Variants in MYH8 observed in about 807,000 individuals in gnomAD.
The protein encoded by MYH8 is myosin heavy chain 8.
MYH8 carries 168 observed loss-of-function variants against 233.2 expected under a neutral mutation model. That is an observed-to-expected ratio of 0.72 (90% CI 0.64 to 0.82). The LOEUF is 0.82. Ranked by LOEUF, MYH8 falls within the 40% of genes least tolerant of loss-of-function variation. MYH8 has a pLI of 0.00. For missense variants in MYH8, 1,995 were observed against 2,327.8 expected, an observed-to-expected ratio of 0.86 and a Z score of 2.94; for synonymous variants, 785 against 850.6, an observed-to-expected ratio of 0.92 and a Z score of 1.34.
intron 39 of MYH8, 152 bp downstream of exon 39, chr17:10,391,730 T>A (rs920017762): frequency 1.0e-5 from 7 of 698,628 alleles, no homozygotes; most frequent in South Asian, 1.6e-5. Flanking sequence ...TAATTTGGAT[T>A]TGGCGGGACA....
At chr17:10,394,584 TA>T (rs2072063109) in intron 34 of MYH8, 132 bp from the exon 35 acceptor site, 5 of 1,132,292 alleles carry the variant, frequency 4.4e-6, no homozygotes, top group Non-Finnish European at 6.4e-6. Flanking sequence ...TGCATCTGAT[TA>T]TGGTTAGGTC....
chr17:10,419,895 G>T lies in MYH8; in HGVS notation c.210+123C>A. On this transcript the variant is annotated intron_variant, in intron 3 of 39. Coordinates refer to ENST00000403437, the MANE Select transcript of MYH8 (RefSeq NM_002472.3). The surrounding 1 kb of genome is among the most constrained non-coding windows in gnomAD (Gnocchi z 4.0). ...ATTTCTTTTGCCTTCCACATCTAATGTCTCAACACTGACTAGAAGGGTGTT... is the reference window on the plus strand; with the variant it reads ...ATTTCTTTTGCCTTCCACATCTAATTTCTCAACACTGACTAGAAGGGTGTT... 9.1e-7 allele frequency: 1 copy of T among 1,094,524 alleles called. No individual in the cohort carries two copies. Among genetic ancestry groups the T allele is most frequent in the Non-Finnish European group, 1.4e-6 (1 of 716,136 alleles). 67.8% of individuals were successfully genotyped at this position (1,094,524 alleles called of 1,614,324 possible).
chr17:10,400,728 C>T lies in MYH8; in HGVS notation c.3397G>A (p.Ala1133Thr), dbSNP rs936506457. ...EEIEAERASR[A>T]KAEKQRSDLS... ...TCAGAGCGCTGCTTCTCCGCTTTGG[C>T]TCGGGACGCCCTCTCTGCCTCGATT... The change falls in exon 27 of 40, where the codon GCC becomes ACC. Residue 1133 changes from alanine (A) to threonine (T), a missense_variant. Coordinates refer to ENST00000403437, the MANE Select transcript of MYH8 (RefSeq NM_002472.3). The surrounding 1 kb of genome is among the most constrained non-coding windows in gnomAD (Gnocchi z 4.0). 2.5e-6 allele frequency: 4 copies of T among 1,614,196 alleles called. No homozygotes were observed. Among genetic ancestry groups the T allele is most frequent in the Non-Finnish European group, 3.4e-6 (4 of 1,180,046 alleles).
chr17:10,417,702 G>T lies in MYH8; in HGVS notation c.511+943C>A, dbSNP rs963984269. 6.6e-6 allele frequency among the ~76,000 whole-genome samples: 1 copy of T among 152,188 alleles called. No individual in the cohort carries two copies. Among genetic ancestry groups the T allele is most frequent in the African/African-American group, 2.4e-5 (1 of 41,442 alleles). On this transcript the variant is annotated intron_variant, in intron 5 of 39. Coordinates refer to ENST00000403437, the MANE Select transcript of MYH8 (RefSeq NM_002472.3). This position sits in a 1 kb window ranked among gnomAD's most constrained non-coding sequence, Gnocchi z 4.1. ...ATTAAAACCTCTGAAATGAGCCAGC[G>T]TTTGGATAATTTCTGGGAGGTAGTT...
intron 15 of MYH8, 32 bp from the exon 16 acceptor site, chr17:10,409,620 C>T (rs1222739560): frequency 6.2e-7 from 1 of 1,612,616 alleles, no homozygotes; most frequent in Non-Finnish European, 8.5e-7. Context: ...TGGTGTCAAC[C>T]TAACTTCTCT....
chr17:10,407,510 T>C (rs536220273), intron 17 of MYH8, among the ~76,000 whole-genome samples: 1 of 152,250 alleles, frequency 6.6e-6, no homozygotes, highest in African/African-American at 2.4e-5. Context: ...TGGGACCTCT[T>C]ACCCTCTTGT....
intron 10 of MYH8, 26 bp downstream of exon 10, chr17:10,414,360 A>G (rs2142188205): frequency 1.9e-6 from 3 of 1,598,412 alleles, no homozygotes; most frequent in East Asian, 2.2e-5. Context: ...ATTAACTTCT[A>G]TCTATGACTT....
rs1156239645 is a variant in MYH8, at chr17:10,401,145, T to C, written c.3155A>G (p.Glu1052Gly). 6.2e-7 allele frequency: 1 copy of C among 1,614,036 alleles called. No individual in the cohort carries two copies. The highest frequency in any genetic ancestry group is 1.1e-5 in the South Asian group (1 of 90,968). The change falls in exon 25 of 40, where the codon GAA becomes GGA. Residue 1052 changes from glutamate to glycine, a missense_variant. Physicochemically the swap from Glu to Gly is moderately conservative, Grantham distance 98. This residue lies in a region of MYH8 where 1,498 missense variants were observed against 1,680.9 expected (regional missense o/e 0.89). Transcript: ENST00000403437. ...EQEKKLRMDL[E>G]RAKRKLEGDL... Reference sequence around the variant, plus strand: ...ACCCTCCAGTTTCCGCTTTGCTCTTTCTAGATCCATTCGAAGCTTCTTTTC... The same window carrying C: ...ACCCTCCAGTTTCCGCTTTGCTCTTCCTAGATCCATTCGAAGCTTCTTTTC...
At chr17:10,420,956 A>C (rs1187649211) in intron 2 of MYH8, among the ~76,000 whole-genome samples, 1 of 152,196 alleles carries the variant, frequency 6.6e-6, no homozygotes, top group East Asian at 1.9e-4. Context: ...TTCAGCACAA[A>C]GGCCCTTCTT....
Position 10,401,600 on chromosome 17 carries a change from A to G in MYH8, c.2874T>C (p.Asp958=), listed in dbSNP as rs140394375. The G allele has an allele frequency of 5.0e-5, 81 of 1,614,158 alleles. No homozygotes were observed. In the Middle Eastern group the frequency reaches 9.9e-4, roughly 20 times the overall value. Residue 958 remains aspartate (D), a synonymous_variant, in exon 23 of 40, where the codon GAT becomes GAC. Coordinates refer to ENST00000403437, the MANE Select transcript of MYH8 (RefSeq NM_002472.3). ...CCTTGGCCAGTGTCAGCTCAAGGTC[A>G]TCAATGTCTTTCTTGAGTTCTGAAC... ...DECSELKKDI[D]DLELTLAKVE...
intron 17 of MYH8, among the ~76,000 whole-genome samples, chr17:10,408,468 A>G (rs910908024): frequency 1.3e-5 from 2 of 152,206 alleles, no homozygotes; most frequent in Non-Finnish European, 2.9e-5. Context: ...ATAAGGAATG[A>G]GACTTAGCCA....
chr17:10,410,769 A>G lies in MYH8; in HGVS notation c.1587+8T>C, dbSNP rs755580948. 6.2e-7 allele frequency: 1 copy of G among 1,614,000 alleles called. No homozygotes were observed. On this transcript the variant is annotated splice_region_variant and intron_variant, in intron 15 of 39. Coordinates refer to ENST00000403437, the MANE Select transcript of MYH8 (RefSeq NM_002472.3). The stretch of plus-strand genomic sequence containing the variant: ...CACAGTCTGCCCTTCTTTGGAAACC[A>G]AACCGACCTTCTCAATGAGCTCAAT...
Position 10,415,360 on chromosome 17 carries a change from T to G in MYH8, c.673A>C (p.Ser225Arg), listed in dbSNP as rs781228319. 1 of 1,614,204 alleles carries G rather than the reference T, an allele frequency of 6.2e-7. No individual in the cohort carries two copies. Among genetic ancestry groups the G allele is most frequent in the Non-Finnish European group, 8.5e-7 (1 of 1,180,010 alleles). ...MQGTLEDQII[S>R]ANPLLEAFGN... The stretch of plus-strand genomic sequence containing the variant: ...AAGGCCTCCAGTAGGGGATTGGCGC[T>G]GATGATTTGATCTTCCAGAGTCCCC... Residue 225 changes from serine (S) to arginine (R), a missense_variant, in exon 8 of 40, where the codon AGC (serine) becomes CGC (arginine). Physicochemically the swap from Ser to Arg is moderately radical, Grantham distance 110. This residue lies in a region of MYH8 where 479 missense variants were observed against 600.9 expected (regional missense o/e 0.80). Coordinates refer to ENST00000403437, the MANE Select transcript of MYH8 (RefSeq NM_002472.3). The surrounding 1 kb of genome is among the most constrained non-coding windows in gnomAD (Gnocchi z 4.1).
Position 10,415,458 on chromosome 17 carries a change from G to T in MYH8, c.648+14C>A, listed in dbSNP as rs1310907049. 6.2e-7 allele frequency: 1 copy of T among 1,613,806 alleles called. No individual in the cohort carries two copies. The highest frequency in any genetic ancestry group is 8.5e-7 in the Non-Finnish European group (1 of 1,179,684). ...AGCCTTGACAGAGGTTTTGACTCTGGCTATCAGACCTACCTGCATTTTGCC... is the reference window on the plus strand; with the variant it reads ...AGCCTTGACAGAGGTTTTGACTCTGTCTATCAGACCTACCTGCATTTTGCC... On this transcript the variant is annotated intron_variant, in intron 7 of 39. Coordinates refer to ENST00000403437, the MANE Select transcript of MYH8 (RefSeq NM_002472.3). The surrounding 1 kb of genome is among the most constrained non-coding windows in gnomAD (Gnocchi z 4.1).
chr17:10,400,075 C>T lies in MYH8; in HGVS notation c.3735+315G>A, dbSNP rs943932333. ...AAAATTAGCTAGGCGTGCTGGCGGG[C>T]GCCTGTAGTCCCAGCTACTGGGGAG... On this transcript the variant is annotated intron_variant, in intron 27 of 39. Coordinates refer to ENST00000403437, the MANE Select transcript of MYH8 (RefSeq NM_002472.3). The surrounding 1 kb of genome is among the most constrained non-coding windows in gnomAD (Gnocchi z 4.0). Among the ~76,000 whole-genome samples the T allele has an allele frequency of 8.6e-5, 13 of 152,040 alleles. No homozygotes were observed. Among genetic ancestry groups the T allele is most frequent in the Admixed American group, 2.0e-4 (3 of 15,286 alleles).
intron 28 of MYH8, among the ~76,000 whole-genome samples, 154 bp downstream of exon 28, chr17:10,399,389 T>C (rs987878503): frequency 6.6e-6 from 1 of 152,226 alleles, no homozygotes; most frequent in Non-Finnish European, 1.5e-5. Context: ...TAAACTTGTC[T>C]GCTCAGTCTT....
chr17:10,416,657 G>C (rs2072292701), intron 5 of MYH8, among the ~76,000 whole-genome samples: 1 of 152,034 alleles, frequency 6.6e-6, no homozygotes, highest in South Asian at 2.1e-4. Context: ...ACGAGTGTAA[G>C]GTACATATTT....
intron 28 of MYH8, 22 bp from the exon 29 acceptor site, chr17:10,398,908 G>T: frequency 6.3e-7 from 1 of 1,588,150 alleles, no homozygotes. Flanking sequence ...AGACATAAGG[G>T]AATTTTTTAC....
At chr17:10,408,628 G>A (rs902318650) in intron 17 of MYH8, among the ~76,000 whole-genome samples, 1 of 152,110 alleles carries the variant, frequency 6.6e-6, no homozygotes, top group Non-Finnish European at 1.5e-5. Context: ...AAGTCACTGG[G>A]CTTGGCTTTA....
Sources: gnomAD v4.1 joint callset for allele counts (sites outside exome capture counted in the v4.1 genomes callset) on GRCh38, gnomAD v4.1.1 for gene constraint, gnomAD v4.1.1 regional missense constraint, Gnocchi (gnomAD v3.1) non-coding constraint, MANE v1.5 for transcripts, NCBI Gene and HGNC (gene_info 2026-07-23, HGNC 2026-07-21) for gene names.